The following SLC67A1 variants were observed in gnomAD, a reference collection of about 807,000 sequenced individuals.
SLC67A1 encodes solute carrier family 67 member 1.
chr11:2,918,893 C>G, the SLC67A1 span: 30 of 182,106 alleles, frequency 1.6e-4, no homozygotes, highest in East Asian at 4.7e-3. Flanking sequence ...CAGGGTCTCA[C>G]TATCTTTTCC....
the SLC67A1 span, among the ~76,000 whole-genome samples, chr11:2,912,918 G>A: frequency 5.3e-5 from 8 of 152,314 alleles, 1 homozygote; most frequent in Non-Finnish European, 4.4e-5. Context: ...GGGGTGCCAG[G>A]GCCCTGTGGG....
the SLC67A1 span, chr11:2,909,589 G>A: frequency 2.0e-6 from 3 of 1,529,644 alleles, no homozygotes; most frequent in Non-Finnish European, 2.6e-6. Flanking sequence ...CGCCCAGATG[G>A]TCATCACGGA....
chr11:2,903,365 C>A, the SLC67A1 span: 1 of 1,612,868 alleles, frequency 6.2e-7, no homozygotes, highest in Non-Finnish European at 8.5e-7. Context: ...GCTCGGGCTC[C>A]CAGGGACCAG....
the SLC67A1 span, among the ~76,000 whole-genome samples, chr11:2,900,013 A>G: frequency 6.6e-6 from 1 of 152,042 alleles, no homozygotes; most frequent in African/African-American, 2.4e-5. Context: ...GTGGATGCCC[A>G]TCCTCCCCCA....
At chr11:2,922,522 C>T in the SLC67A1 span, 2 of 1,613,040 alleles carry the variant, frequency 1.2e-6, no homozygotes, top group Non-Finnish European at 1.7e-6. Flanking sequence ...TCACCGACAG[C>T]ATGCTGATCA....
At chr11:2,918,441 G>A in the SLC67A1 span, among the ~76,000 whole-genome samples, 1 of 152,236 alleles carries the variant, frequency 6.6e-6, no homozygotes. Context: ...ACTGCCTTCT[G>A]CAGCATGCTG....
At chr11:2,902,570 C>T in the SLC67A1 span, 1 of 985,306 alleles carries the variant, frequency 1.0e-6, no homozygotes, top group African/African-American at 1.7e-5. Flanking sequence ...ACCCCACCAG[C>T]CTGGGTTCGG....
the SLC67A1 span, among the ~76,000 whole-genome samples, chr11:2,905,285 C>A: frequency 3.9e-5 from 6 of 152,072 alleles, no homozygotes; most frequent in African/African-American, 1.4e-4. Context: ...GGCAAAGGAC[C>A]CAGCACAGCC....
At chr11:2,905,417 G>A in the SLC67A1 span, among the ~76,000 whole-genome samples, 1 of 152,240 alleles carries the variant, frequency 6.6e-6, no homozygotes, top group African/African-American at 2.4e-5. Flanking sequence ...ACCTCAGGGA[G>A]AGGGGAGACA....
At chr11:2,917,011 C>CTAGA in the SLC67A1 span, 266 of 524,308 alleles carry the variant, frequency 5.1e-4, 1 homozygote, top group South Asian at 1.5e-3. Flanking sequence ...GAGGGGAGGC[C>CTAGA]CAGACAGGGA....
chr11:2,915,017 G>A, the SLC67A1 span: 9 of 985,458 alleles, frequency 9.1e-6, no homozygotes, highest in Non-Finnish European at 8.4e-6. Context: ...AACCTGAGTA[G>A]CTGACGTCCT....
chr11:2,909,384 TGGG>T, the SLC67A1 span: 1 of 1,504,900 alleles, frequency 6.6e-7, no homozygotes, highest in South Asian at 1.2e-5. Context: ...GGAGTCCAGG[TGGG>T]GCCGGGTCGG....
the SLC67A1 span, among the ~76,000 whole-genome samples, chr11:2,909,983 G>C: frequency 6.6e-6 from 1 of 152,214 alleles, no homozygotes; most frequent in Non-Finnish European, 1.5e-5. Flanking sequence ...TGGGACGCTG[G>C]GGAAACTGAG....
At chr11:2,910,184 G>T in the SLC67A1 span, among the ~76,000 whole-genome samples, 1 of 152,198 alleles carries the variant, frequency 6.6e-6, no homozygotes, top group Non-Finnish European at 1.5e-5. Flanking sequence ...TTTCACTGGA[G>T]CCTGGGCTGG....
the SLC67A1 span, chr11:2,922,626 G>C: frequency 7.8e-7 from 1 of 1,274,174 alleles, no homozygotes. Flanking sequence ...GGGATGGGGT[G>C]GGCAGCCTAG....
the SLC67A1 span, chr11:2,909,634 G>A: frequency 2.0e-6 from 3 of 1,534,472 alleles, no homozygotes; most frequent in African/African-American, 1.4e-5. Flanking sequence ...CGCGGCCCTG[G>A]GCCGGCTGGG....
At chr11:2,901,252 C>T in the SLC67A1 span, among the ~76,000 whole-genome samples, 1 of 152,228 alleles carries the variant, frequency 6.6e-6, no homozygotes. Context: ...AGCTGCTGAA[C>T]CACTCCCACG....
the SLC67A1 span, among the ~76,000 whole-genome samples, chr11:2,906,200 C>T: frequency 1.1e-4 from 16 of 152,290 alleles, no homozygotes; most frequent in Middle Eastern, 3.4e-3. Flanking sequence ...GAATGGCGAT[C>T]ATGAAAAAGT....
the SLC67A1 span, chr11:2,917,935 G>T: frequency 7.0e-7 from 1 of 1,420,814 alleles, no homozygotes; most frequent in Non-Finnish European, 9.7e-7. Flanking sequence ...CCGGGCGAGG[G>T]GTGGGCATTG....
Sources: allele counts gnomAD v4.1 joint callset (sites outside exome capture counted in the v4.1 genomes callset), GRCh38; gene constraint gnomAD v4.1.1; transcripts MANE v1.5; gene names NCBI Gene and HGNC (gene_info 2026-07-23, HGNC 2026-07-21).